The following CTNND2 variants were observed in gnomAD, a reference collection of about 807,000 sequenced individuals.
CTNND2 encodes catenin delta-2.
A neutral mutation model predicts 144.4 loss-of-function variants in CTNND2; 22 were observed. The ratio of observed to expected loss-of-function variants is 0.15; its 90% CI spans 0.11 to 0.22. The LOEUF (loss-of-function observed/expected upper bound fraction) is 0.22. CTNND2 is among the 10% of genes least tolerant of loss of function. The probability of loss-of-function intolerance (pLI) is 1.00; values close to 1 mark genes in which losing one functional copy is unlikely to be tolerated. For synonymous variants in CTNND2, 751 were observed against 695.6 expected (o/e 1.08, Z -1.25); for missense variants, 1,353 against 1,618.8 (o/e 0.84, Z 2.82).
chr5:11,628,628 G>A (rs1239229142), intron 2 of CTNND2, among the ~76,000 whole-genome samples: 1 of 152,084 alleles, frequency 6.6e-6, no homozygotes, highest in Non-Finnish European at 1.5e-5. Context: ...GAGTTACTTG[G>A]CCTCTAAAAA....
At position 11,493,642 on chromosome 5, in the gene CTNND2, C is replaced by A. The variant is rs79687864; in HGVS notation, c.287+71302G>T. Among the ~76,000 whole-genome samples the A allele has an allele frequency of 1.2e-4, 19 of 152,266 alleles. No homozygotes were observed. In the East Asian group the frequency reaches 3.7e-3, roughly 29 times the overall value. ...GTATACTGGGCTGTGATTTATATAT[C>A]AATGCAAGACTTTGACAAGAGCTGT... On this transcript the variant is annotated intron_variant, in intron 3 of 21. Coordinates refer to ENST00000304623, the MANE Select transcript of CTNND2 (RefSeq NM_001332.4).
chr5:11,614,880 G>A (rs1780507611), intron 2 of CTNND2, among the ~76,000 whole-genome samples: 1 of 152,196 alleles, frequency 6.6e-6, no homozygotes. Flanking sequence ...CATCTCTGGA[G>A]TGGGGACAAT....
intron 3 of CTNND2, among the ~76,000 whole-genome samples, chr5:11,475,273 G>T (rs7713472): frequency 0.049 from 7,495 of 152,252 alleles, 603 homozygotes; most frequent in African/African-American, 0.17. Context: ...GCTTGGTCAA[G>T]TAGCCAGGTT....
Position 10,988,329 on chromosome 5 carries a change from T to C in CTNND2, c.3212-87A>G. On this transcript the variant is annotated intron_variant, in intron 19 of 21. Transcript: ENST00000304623. The surrounding 1 kb of genome is among the most constrained non-coding windows in gnomAD (Gnocchi z 5.9). ...ACACAGTCAGGGTCCTCACTATGCA[T>C]GGTCCCGCATCTCAATGCCTACGTG... is the stretch of plus-strand genomic sequence containing the variant. The C allele has an allele frequency of 6.6e-7, 1 of 1,508,750 alleles. No individual in the cohort carries two copies. Among genetic ancestry groups the C allele is most frequent in the East Asian group, 2.3e-5 (1 of 44,016 alleles). The allele number at this position is 1,508,750 out of a possible 1,614,324, so 93.5% of individuals were successfully genotyped here.
At chr5:11,456,135 C>T (rs1193887086) in intron 3 of CTNND2, among the ~76,000 whole-genome samples, 2 of 152,158 alleles carry the variant, frequency 1.3e-5, no homozygotes, top group South Asian at 2.1e-4. Context: ...CCAATATCTA[C>T]ATATTACCAT....
Position 10,988,025 on chromosome 5 carries a change from C to T in CTNND2, c.3343+86G>A, listed in dbSNP as rs138241947. The T allele has an allele frequency of 7.7e-3, 11,959 of 1,557,350 alleles. 64 individuals carry two copies. The highest frequency in any genetic ancestry group is 8.9e-3 in the Non-Finnish European group (10,238 of 1,144,604). The stretch of plus-strand genomic sequence containing the variant: ...CTGCTCAGCAGCCAAGCGCAGCCAG[C>T]CCCGTGAAGCCTGATGTCCCATATC... On this transcript the variant is annotated intron_variant, in intron 20 of 21. Transcript: ENST00000304623. The surrounding 1 kb of genome is among the most constrained non-coding windows in gnomAD (Gnocchi z 5.9).
At chr5:11,295,129 CAA>C (rs199927293) in intron 9 of CTNND2, among the ~76,000 whole-genome samples, 5,496 of 152,268 alleles carry the variant, frequency 0.036, 174 homozygotes, top group African/African-American at 0.081. Flanking sequence ...GCAACTTCAG[CAA>C]AGTCTCAGGA....
At chr5:10,978,558 A>G (rs1736803322) in intron 21 of CTNND2, among the ~76,000 whole-genome samples, 1 of 152,200 alleles carries the variant, frequency 6.6e-6, no homozygotes, top group Non-Finnish European at 1.5e-5. Context: ...CTAAGATAGA[A>G]TGATCCAATT....
chr5:11,575,731 G>A (rs189960043), intron 2 of CTNND2, among the ~76,000 whole-genome samples: 3 of 151,902 alleles, frequency 2.0e-5, no homozygotes, highest in South Asian at 2.1e-4. Flanking sequence ...GTTCCTTCCC[G>A]CACAAACTCT....
intron 3 of CTNND2, among the ~76,000 whole-genome samples, chr5:11,552,915 A>G (rs1775890710): frequency 1.3e-5 from 2 of 152,172 alleles, no homozygotes; most frequent in Admixed American, 6.5e-5. Flanking sequence ...ATCTTGGTAA[A>G]AGCTTTTGGA....
chr5:11,119,932 T>A (rs1409437091), intron 12 of CTNND2, among the ~76,000 whole-genome samples: 1 of 152,112 alleles, frequency 6.6e-6, no homozygotes, highest in Non-Finnish European at 1.5e-5. Context: ...CCAATAAACT[T>A]CCTAATAATC....
intron 3 of CTNND2, among the ~76,000 whole-genome samples, chr5:11,519,021 A>G (rs949960515): frequency 2.0e-5 from 3 of 149,718 alleles, no homozygotes; most frequent in Non-Finnish European, 3.0e-5. Flanking sequence ...ACACACACAC[A>G]CACACACAAA....
intron 9 of CTNND2, among the ~76,000 whole-genome samples, chr5:11,279,117 G>A (rs912950120): frequency 6.6e-6 from 1 of 152,144 alleles, no homozygotes. Flanking sequence ...CCATGGGACT[G>A]TCTTGGGCAG....
intron 20 of CTNND2, among the ~76,000 whole-genome samples, chr5:10,983,438 A>G (rs1332176372): frequency 6.6e-6 from 1 of 152,348 alleles, no homozygotes; most frequent in Non-Finnish European, 1.5e-5. Flanking sequence ...CACAAGAGAA[A>G]GGTCAGTATA....
chr5:11,725,178 T>A (rs1424564264), intron 2 of CTNND2, among the ~76,000 whole-genome samples: 1 of 152,196 alleles, frequency 6.6e-6, no homozygotes, highest in African/African-American at 2.4e-5. Context: ...CAGGCATGTT[T>A]ACCTGTGTCA....
chr5:11,551,636 T>C (rs143563967), intron 3 of CTNND2, among the ~76,000 whole-genome samples: 1,660 of 152,098 alleles, frequency 0.011, 29 homozygotes, highest in African/African-American at 0.036. Context: ...TTTGCTCTTG[T>C]TACACAGGCT....
At chr5:11,133,212 TAA>T (rs1347298744) in intron 12 of CTNND2, among the ~76,000 whole-genome samples, 1 of 152,118 alleles carries the variant, frequency 6.6e-6, no homozygotes, top group Non-Finnish European at 1.5e-5. Flanking sequence ...CAGTAAAACT[TAA>T]GATTATTTAG....
In CTNND2 at chr5:11,585,115, T is replaced by C. The variant is rs1445012635; in HGVS notation, c.175-20059A>G. ...AGTCAAGGCATTTGTGACATTTCCATAGCTGGAGGGTGGTAACAGGAGACC... is the reference window on the plus strand; with the variant it reads ...AGTCAAGGCATTTGTGACATTTCCACAGCTGGAGGGTGGTAACAGGAGACC... On this transcript the variant is annotated intron_variant, in intron 2 of 21. Coordinates refer to ENST00000304623, the MANE Select transcript of CTNND2 (RefSeq NM_001332.4). Among the ~76,000 whole-genome samples the C allele has an allele frequency of 2.0e-5, 3 of 152,100 alleles. No homozygotes were observed. In the East Asian group the frequency reaches 5.8e-4, roughly 29 times the overall value.
At chr5:11,254,946 C>A (rs1343090890) in intron 9 of CTNND2, among the ~76,000 whole-genome samples, 1 of 152,184 alleles carries the variant, frequency 6.6e-6, no homozygotes, top group Non-Finnish European at 1.5e-5. Context: ...AGACCAACAT[C>A]TTTCTCTGAA....
Sources: allele counts gnomAD v4.1 joint callset (sites outside exome capture counted in the v4.1 genomes callset), GRCh38; gene constraint gnomAD v4.1.1; non-coding constraint Gnocchi (gnomAD v3.1); transcripts MANE v1.5; gene names NCBI Gene and HGNC (gene_info 2026-07-23, HGNC 2026-07-21).